Variants in POMZP3 observed in about 807,000 individuals in gnomAD.
The protein encoded by POMZP3 is POM121 and ZP3 fusion protein.
In POMZP3, 10 loss-of-function variants were observed where a neutral mutation model predicts 19.8. The ratio of observed to expected loss-of-function variants is 0.51; its 90% CI spans 0.31 to 0.86. POMZP3 has a LOEUF of 0.86. POMZP3 is among the 40% of genes least tolerant of loss of function. The probability of loss-of-function intolerance (pLI) is 0.04; values close to 1 mark genes in which losing one functional copy is unlikely to be tolerated. For synonymous variants in POMZP3, 57 were observed against 85.8 expected (o/e 0.66, Z 1.85); for missense variants, 152 against 228.1 (o/e 0.67, Z 2.15).
In POMZP3 at chr7:76,618,420, G is replaced by C. The variant is rs191240361; in HGVS notation, c.228-120C>G. On this transcript the variant is annotated intron_variant, in intron 3 of 6. Coordinates refer to ENST00000310842, the MANE Select transcript of POMZP3 (RefSeq NM_012230.5). ...GTGGATCACTTGAGGTCAGGAGTTC[G>C]AGACTAGCCTGGCAAACATGGTGAA... The C allele has an allele frequency of 5.5e-4, 515 of 938,756 alleles. 1 individual carries two copies. In the African/African-American group the frequency reaches 7.7e-3, roughly 14 times the overall value. 58.2% of individuals were successfully genotyped at this position (938,756 alleles called of 1,614,324 possible). A position where few individuals can be genotyped will look rare whatever the true frequency, so the allele number is the denominator to read the frequency against.
intron 3 of POMZP3, among the ~76,000 whole-genome samples, chr7:76,623,812 G>T (rs1377238494): frequency 6.6e-6 from 1 of 151,690 alleles, no homozygotes; most frequent in Non-Finnish European, 1.5e-5. Context: ...CAAAAAAAAA[G>T]AAAGAGAGAG....
Position 76,617,057 on chromosome 7 carries a change from G to A in POMZP3, c.345+1126C>T, listed in dbSNP as rs567401181. On this transcript the variant is annotated intron_variant, in intron 4 of 6. Coordinates refer to ENST00000310842, the MANE Select transcript of POMZP3 (RefSeq NM_012230.5). ...TACCTGTACTCCCAGCTACTTGGGAGACTGAGGCAGGAGAATCACTTGAAC... is the reference window on the plus strand; with the variant it reads ...TACCTGTACTCCCAGCTACTTGGGAAACTGAGGCAGGAGAATCACTTGAAC... Among the ~76,000 whole-genome samples, 6 of 96,984 alleles carry A rather than the reference G, an allele frequency of 6.2e-5. 2 individuals are homozygous for A. Among genetic ancestry groups the A allele is most frequent in the African/African-American group, 2.5e-4 (6 of 23,896 alleles). 63.6% of individuals were successfully genotyped at this position (96,984 alleles called of 152,430 possible). A position where few individuals can be genotyped will look rare whatever the true frequency, so the allele number is the denominator to read the frequency against.
chr7:76,611,099 C>G (rs929946912), intron 6 of POMZP3, among the ~76,000 whole-genome samples: 9 of 143,338 alleles, frequency 6.3e-5, no homozygotes, highest in African/African-American at 2.1e-4. Context: ...GTCTCGAACT[C>G]CTGACCTCAG....
intron 3 of POMZP3, among the ~76,000 whole-genome samples, chr7:76,619,508 A>AAGGGGCAGTGGC: frequency 6.6e-6 from 1 of 151,308 alleles, no homozygotes; most frequent in East Asian, 1.9e-4. Context: ...TCCACAGCCT[A>AAGGGGCAGTGGC]AGGGGCAGTG....
At chr7:76,620,875 T>C (rs1815519811) in intron 3 of POMZP3, among the ~76,000 whole-genome samples, 1 of 130,488 alleles carries the variant, frequency 7.7e-6, no homozygotes, top group Admixed American at 7.7e-5. Context: ...TTTTTTTTTT[T>C]TTTTTTTTTT....
At chr7:76,621,932 C>T (rs1482072831) in intron 3 of POMZP3, among the ~76,000 whole-genome samples, 1 of 78,694 alleles carries the variant, frequency 1.3e-5, no homozygotes, top group Non-Finnish European at 2.7e-5. Context: ...AGCAAGACTC[C>T]GTTTCAAAAA....
chr7:76,613,436 C>A (rs904429188), intron 4 of POMZP3, among the ~76,000 whole-genome samples: 1 of 132,366 alleles, frequency 7.6e-6, no homozygotes, highest in Non-Finnish European at 1.7e-5. Context: ...AATATGAGCT[C>A]CTGCTGGGAG....
chr7:76,624,751 A>T (rs1428192893), intron 3 of POMZP3, among the ~76,000 whole-genome samples: 2 of 151,148 alleles, frequency 1.3e-5, no homozygotes, highest in Admixed American at 6.6e-5. Context: ...CTTCCAGGAA[A>T]TTGGTTTTAA....
At chr7:76,621,902 T>C (rs1584351353) in intron 3 of POMZP3, among the ~76,000 whole-genome samples, 1 of 110,480 alleles carries the variant, frequency 9.1e-6, no homozygotes, top group Middle Eastern at 5.2e-3. Context: ...ATAGCGCTAC[T>C]GCACTCCAGC....
rs1173865234 is a variant in POMZP3 at position 76,617,213 on chromosome 7, G to T, written c.345+970C>A. On this transcript the variant is annotated intron_variant, in intron 4 of 6. Transcript: ENST00000310842. ...AATCTCCTGACCTCGTGATCTGCCC[G>T]CCTCAGCCTCCCAAAGTGCTGGGAT... is the stretch of plus-strand genomic sequence containing the variant. Among the ~76,000 whole-genome samples, 2 of 85,240 alleles carry T rather than the reference G, an allele frequency of 2.3e-5. 1 individual carries two copies. The highest frequency in any genetic ancestry group is 1.2e-4 in the African/African-American group (2 of 17,082). 55.9% of individuals were successfully genotyped at this position (85,240 alleles called of 152,430 possible). A position where few individuals can be genotyped will look rare whatever the true frequency, so the allele number is the denominator to read the frequency against.
At chr7:76,613,433 GCTC>G (rs1367863082) in intron 4 of POMZP3, among the ~76,000 whole-genome samples, 1 of 131,374 alleles carries the variant, frequency 7.6e-6, no homozygotes, top group African/African-American at 2.7e-5. Flanking sequence ...CCCAATATGA[GCTC>G]CTGCTGGGAG....
At chr7:76,625,769 C>G in intron 2 of POMZP3, 86 bp from the exon 3 acceptor site, 1 of 1,481,008 alleles carries the variant, frequency 6.8e-7, no homozygotes, top group Non-Finnish European at 9.2e-7. Context: ...AACCAACAAG[C>G]CAAAGTATAA....
chr7:76,611,491 G>T lies in POMZP3; in HGVS notation c.538C>A (p.Gln180Lys), dbSNP rs1168862383. ...HSRRQPRVVSQWSTSASL is the reference protein window; with the variant it reads ...HSRRQPRVVSKWSTSASL Reference sequence around the variant, plus strand: ...TACAGGGAAGCAGACGTGGACCACTGGCTCACGACACGAGGCTGCCTCCTG... The same window carrying T: ...TACAGGGAAGCAGACGTGGACCACTTGCTCACGACACGAGGCTGCCTCCTG... The change falls in exon 6 of 7, where the codon CAG becomes AAG. Residue 180 changes from glutamine to lysine, a missense_variant. Around this residue, in one of 4 missense-constraint regions of POMZP3, gnomAD observed 65 missense variants for 86.2 expected, o/e 0.75. Coordinates refer to ENST00000310842, the MANE Select transcript of POMZP3 (RefSeq NM_012230.5). 6.2e-7 allele frequency: 1 copy of T among 1,604,256 alleles called. No homozygotes were observed. The highest frequency in any genetic ancestry group is 8.5e-7 in the Non-Finnish European group (1 of 1,171,994).
intron 3 of POMZP3, among the ~76,000 whole-genome samples, chr7:76,624,338 CA>C (rs1563805704): frequency 1.3e-5 from 2 of 151,634 alleles, no homozygotes; most frequent in African/African-American, 4.8e-5. Flanking sequence ...CACCTGAGGT[CA>C]GGAGTTCGAG....
At chr7:76,614,858 CA>C (rs59620004) in intron 4 of POMZP3, among the ~76,000 whole-genome samples, 2,377 of 32,064 alleles carry the variant, frequency 0.074, 284 homozygotes, top group African/African-American at 0.25. Context: ...AGACTCTGTC[CA>C]AAAAAAAAAA....
chr7:76,614,563 CCAAA>C lies in POMZP3; in HGVS notation c.346-2754_346-2751del, dbSNP rs1441760664. On this transcript the variant is annotated intron_variant, in intron 4 of 6. Coordinates refer to ENST00000310842, the MANE Select transcript of POMZP3 (RefSeq NM_012230.5). ...CAACAAGAGTGACACTCCATTTCCC[CCAAA>C]AAAAAAAAAAAAAAAGAGGGGAGTG... 3.0e-5 allele frequency among the ~76,000 whole-genome samples: 2 copies of C among 67,240 alleles called. 1 individual carries two copies. Among genetic ancestry groups the C allele is most frequent in the African/African-American group, 1.5e-4 (2 of 13,380 alleles). The allele number at this position is 67,240 out of a possible 152,430, so 44.1% of individuals were successfully genotyped here.
chr7:76,620,488 G>A (rs1325977484), intron 3 of POMZP3, among the ~76,000 whole-genome samples: 1 of 150,878 alleles, frequency 6.6e-6, no homozygotes, highest in Non-Finnish European at 1.5e-5. Context: ...TTGTTTTTGA[G>A]ATGGAGTTTC....
At chr7:76,610,290 C>T in intron 6 of POMZP3, 75 bp from the exon 7 acceptor site, 1 of 1,437,268 alleles carries the variant, frequency 7.0e-7, no homozygotes, top group Non-Finnish European at 9.8e-7. Flanking sequence ...TTTATTCTGC[C>T]TCAGTGGGCT....
intron 3 of POMZP3, among the ~76,000 whole-genome samples, chr7:76,621,736 C>G (rs573697386): frequency 6.6e-6 from 1 of 151,464 alleles, no homozygotes; most frequent in Admixed American, 6.6e-5. Flanking sequence ...GTCAGGAGAT[C>G]GAGACCATCC....
Sources: allele counts gnomAD v4.1 joint callset (sites outside exome capture counted in the v4.1 genomes callset), GRCh38; gene constraint gnomAD v4.1.1; regional missense constraint gnomAD v4.1.1; transcripts MANE v1.5; gene names NCBI Gene and HGNC (gene_info 2026-07-23, HGNC 2026-07-21).